Variants in CCDC32 observed in about 807,000 individuals in gnomAD.
CCDC32 encodes the protein coiled-coil domain-containing protein 32.
CCDC32 carries 9 observed loss-of-function variants against 20.1 expected under a neutral mutation model. That is an observed-to-expected ratio of 0.45 (90% CI 0.27 to 0.78). The LOEUF (loss-of-function observed/expected upper bound fraction) is 0.78, where lower values mean the gene tolerates loss of function less well. CCDC32 is among the 30% of genes least tolerant of loss of function. CCDC32 has a pLI of 0.16. For missense variants in CCDC32, 204 were observed against 215.5 expected, an observed-to-expected ratio of 0.95 and a Z score of 0.33; for synonymous variants, 63 against 79.0, an observed-to-expected ratio of 0.80 and a Z score of 1.07.
chr15:40,563,828 T>C (rs74881421), intron 1 of CCDC32, among the ~76,000 whole-genome samples: 8 of 21,026 alleles, frequency 3.8e-4, no homozygotes, highest in East Asian at 2.5e-3. Context: ...CTTTCTTTCT[T>C]TTTTTTTTTT....
intron 1 of CCDC32, chr15:40,564,743 C>G: frequency 6.2e-7 from 1 of 1,614,172 alleles, no homozygotes; most frequent in African/African-American, 1.3e-5. Context: ...TCTAAAGCCA[C>G]CCAAAACCAA....
Position 40,562,895 on chromosome 15 carries a change from CTG to C in CCDC32, c.119_120del (p.Ser40Ter). The C allele has an allele frequency of 6.2e-7, 1 of 1,614,202 alleles. No individual in the cohort carries two copies. The highest frequency in any genetic ancestry group is 8.5e-7 in the Non-Finnish European group (1 of 1,180,046). ...EQEDGANNAF[S>X]DSFVDSCPEG... ...TCAGGGCAAGAATCCACAAAGGAGTCTGAGAATGCATTGTTGGCACCATCTTC... is the reference window on the plus strand; with the variant it reads ...TCAGGGCAAGAATCCACAAAGGAGTCAGAATGCATTGTTGGCACCATCTTC... On this transcript the variant is annotated frameshift_variant, in exon 2 of 4. Coordinates refer to ENST00000416810, the MANE Select transcript of CCDC32 (RefSeq NM_001080792.4). LOFTEE classifies it high-confidence loss of function.
chr15:40,554,809 C>T (rs2278887), intron 3 of CCDC32, among the ~76,000 whole-genome samples: 6,488 of 152,250 alleles, frequency 0.043, 188 homozygotes, highest in East Asian at 0.12. Flanking sequence ...ACCCTATACC[C>T]TAAAGCTATT....
At chr15:40,528,622 C>A, downstream of CCDC32, 1 of 621,558 alleles carries the variant, frequency 1.6e-6, no homozygotes, top group Non-Finnish European at 2.8e-6. Context: ...TCTGGTAATG[C>A]AGAAGGCCTG....
At position 40,553,279 on chromosome 15, in the gene CCDC32, T is replaced by C; in HGVS notation, c.*692A>G. The C allele has an allele frequency of 1.0e-6, 1 of 985,410 alleles. No individual in the cohort carries two copies. The highest frequency in any genetic ancestry group is 1.2e-6 in the Non-Finnish European group (1 of 829,954). The allele number at this position is 985,410 out of a possible 1,614,324, so 61.0% of individuals were successfully genotyped here. A position where few individuals can be genotyped will look rare whatever the true frequency, so the allele number is the denominator to read the frequency against. ...AATTTGGAACCTGGCCCTTTTTAAG[T>C]GCAGGAGGAAGTTGGAGGAGAAGCC... is the stretch of plus-strand genomic sequence containing the variant. On this transcript the variant is annotated 3_prime_UTR_variant, in exon 4 of 4. Coordinates refer to ENST00000416810, the MANE Select transcript of CCDC32 (RefSeq NM_001080792.4).
intron 2 of CCDC32, among the ~76,000 whole-genome samples, chr15:40,560,135 G>T (rs746993002): frequency 2.0e-5 from 3 of 152,096 alleles, no homozygotes; most frequent in African/African-American, 7.2e-5. Flanking sequence ...TCAGCCTCCC[G>T]AGTAGCTGGG....
intron 2 of CCDC32, among the ~76,000 whole-genome samples, chr15:40,561,409 G>A (rs1890617303): frequency 6.6e-6 from 1 of 151,344 alleles, no homozygotes; most frequent in Admixed American, 6.6e-5. Context: ...TGAGGCGGAG[G>A]TTGCAGTGAG....
chr15:40,564,997 G>A lies in CCDC32; in HGVS notation c.-34C>T, dbSNP rs1204478661. 1 of 596,764 alleles carries A rather than the reference G, an allele frequency of 1.7e-6. No individual in the cohort carries two copies. Among genetic ancestry groups the A allele is most frequent in the Admixed American group, 2.9e-5 (1 of 33,916 alleles). 37.0% of individuals were successfully genotyped at this position (596,764 alleles called of 1,614,324 possible). ...TTACCGTAACAGCTGCCCAGTAAAC[G>A]CTTGGCTCAGCTCTGTCGCCTGTAG... is the stretch of plus-strand genomic sequence containing the variant. On this transcript the variant is annotated 5_prime_UTR_variant, in exon 1 of 4. Coordinates refer to ENST00000416810, the MANE Select transcript of CCDC32 (RefSeq NM_001080792.4).
At chr15:40,523,372 C>T in the CCDC32 span, among the ~76,000 whole-genome samples, 10 of 151,870 alleles carry the variant, frequency 6.6e-5, no homozygotes, top group African/African-American at 1.2e-4. Context: ...GGCATAGTGG[C>T]GCATGCCTGT....
intron 3 of CCDC32, chr15:40,556,518 A>T (rs923284502): frequency 1.3e-5 from 2 of 152,230 alleles, no homozygotes; most frequent in Non-Finnish European, 2.9e-5. Context: ...GCGTAAATTC[A>T]TTGAGTGGCT....
chr15:40,552,441 A>C (rs561057829), downstream of CCDC32, among the ~76,000 whole-genome samples: 6 of 140,390 alleles, frequency 4.3e-5, no homozygotes, highest in East Asian at 1.4e-3. Context: ...AGATCGCGCC[A>C]TTGCACTCGA....
At chr15:40,533,770 G>A (rs1888988700), downstream of CCDC32, among the ~76,000 whole-genome samples, 1 of 152,128 alleles carries the variant, frequency 6.6e-6, no homozygotes. Flanking sequence ...GGAGAGTAAT[G>A]GGTTTAGGAG....
At chr15:40,532,305 G>A (rs1434951675), downstream of CCDC32, 1 of 702,770 alleles carries the variant, frequency 1.4e-6, no homozygotes, top group Admixed American at 2.0e-5. Flanking sequence ...GTAGTCACCT[G>A]GAAAAGAAGA....
downstream of CCDC32, chr15:40,534,724 C>G (rs1889035563): frequency 1.7e-6 from 1 of 595,706 alleles, no homozygotes; most frequent in African/African-American, 1.9e-5. Context: ...GGTCTCTGGC[C>G]CCTTTTTGTA....
downstream of CCDC32, chr15:40,535,480 G>T (rs1268909601): frequency 1.0e-6 from 1 of 987,792 alleles, no homozygotes; most frequent in Non-Finnish European, 1.2e-6. Context: ...TTTTGAAGGA[G>T]TTTTTCCACA....
intron 3 of CCDC32, among the ~76,000 whole-genome samples, chr15:40,546,149 T>G (rs566312499): frequency 1.8e-4 from 28 of 152,158 alleles, no homozygotes; most frequent in Non-Finnish European, 3.4e-4. Context: ...ATATCATGTT[T>G]ATTTCTAGCA....
At chr15:40,548,225 C>T (rs1469298906), downstream of CCDC32, among the ~76,000 whole-genome samples, 1 of 152,156 alleles carries the variant, frequency 6.6e-6, no homozygotes, top group Non-Finnish European at 1.5e-5. Flanking sequence ...ACGGAAGGGA[C>T]ATTTTCTTGC....
downstream of CCDC32, among the ~76,000 whole-genome samples, chr15:40,552,438 G>A (rs1047540342): frequency 2.9e-5 from 4 of 135,728 alleles, no homozygotes; most frequent in East Asian, 2.3e-4. Context: ...CCAAGATCGC[G>A]CCATTGCACT....
chr15:40,549,178 A>T (rs1889741201), downstream of CCDC32, among the ~76,000 whole-genome samples: 1 of 152,160 alleles, frequency 6.6e-6, no homozygotes, highest in Admixed American at 6.5e-5. Context: ...TCTTAAAATC[A>T]GCCATTAGCT....
Sources: gnomAD v4.1 joint callset for allele counts (sites outside exome capture counted in the v4.1 genomes callset) on GRCh38, gnomAD v4.1.1 for gene constraint, MANE v1.5 for transcripts, NCBI Gene and HGNC (gene_info 2026-07-23, HGNC 2026-07-21) for gene names.